ARFGEF3: variants seen among roughly 807,000 people sequenced by gnomAD.
ARFGEF3 encodes brefeldin A-inhibited guanine nucleotide-exchange protein 3.
A neutral mutation model predicts 221.7 loss-of-function variants in ARFGEF3; 96 were observed. That is an observed-to-expected ratio of 0.43 (90% CI 0.37 to 0.51). The LOEUF (loss-of-function observed/expected upper bound fraction) is 0.51. Ranked by LOEUF, ARFGEF3 falls within the 20% of genes least tolerant of loss-of-function variation. ARFGEF3 has a pLI of 0.00. For missense variants in ARFGEF3, 2,410 were observed against 2,789.9 expected, an observed-to-expected ratio of 0.86 and a Z score of 3.07; for synonymous variants, 1,145 against 1,126.8, an observed-to-expected ratio of 1.02 and a Z score of -0.32.
chr6:138,270,427 GACACAC>G (rs3044804), intron 12 of ARFGEF3, among the ~76,000 whole-genome samples: 91 of 139,510 alleles, frequency 6.5e-4, no homozygotes, highest in East Asian at 5.3e-3. Flanking sequence ...ATTTTACGTA[GACACAC>G]ACACACACAC....
intron 2 of ARFGEF3, among the ~76,000 whole-genome samples, chr6:138,174,469 T>TAAAAAAAAAAAAAAA (rs35236693): frequency 4.0e-5 from 1 of 25,302 alleles, no homozygotes; most frequent in African/African-American, 1.4e-4. Context: ...GAGCATCTGC[T>TAAAAAAAAAAAAAAA]AAAAAAAAAA....
chr6:138,206,342 C>CTTTTT (rs1777624365), intron 2 of ARFGEF3, among the ~76,000 whole-genome samples: 1 of 139,078 alleles, frequency 7.2e-6, no homozygotes, highest in Non-Finnish European at 1.5e-5. Context: ...AAATATCTCT[C>CTTTTT]CTTTTTTTTT....
chr6:138,262,750 T>C lies in ARFGEF3; in HGVS notation c.1267T>C (p.Cys423Arg). 2 of 1,611,772 alleles carry C rather than the reference T, an allele frequency of 1.2e-6. No individual in the cohort carries two copies. Among genetic ancestry groups the C allele is most frequent in the Non-Finnish European group, 1.7e-6 (2 of 1,178,010 alleles). Reference protein sequence around the residue: ...EACIKGGIEACYAAVSCVCTL... With the variant: ...EACIKGGIEARYAAVSCVCTL... The stretch of plus-strand genomic sequence containing the variant: ...ATGCATCAAGGGTGGCATCGAAGCT[T>C]GCTATGCAGCCGTGTCCTGTGTCTG... Residue 423 changes from cysteine (C) to arginine (R), a missense_variant, in exon 12 of 34, where the codon TGC (cysteine) becomes CGC (arginine). Around this residue, in one of 5 missense-constraint regions of ARFGEF3, gnomAD observed 570 missense variants for 586.9 expected, o/e 0.97. Transcript: ENST00000251691.
At chr6:138,311,585 G>A (rs933868587) in intron 25 of ARFGEF3, 75 bp downstream of exon 25, 3 of 984,774 alleles carry the variant, frequency 3.0e-6, no homozygotes, top group African/African-American at 1.6e-5. Flanking sequence ...TGCGTGGGGG[G>A]TCTTTTGCTG....
chr6:138,294,232 C>T (rs1779467004), intron 20 of ARFGEF3, 106 bp downstream of exon 20: 1 of 1,192,362 alleles, frequency 8.4e-7, no homozygotes, highest in South Asian at 1.5e-5. Context: ...ATTCCCATTG[C>T]TTACACTCAC....
rs139128711 is a variant in ARFGEF3, at chr6:138,313,813, A to C, written c.4219A>C (p.Lys1407Gln). The change falls in exon 26 of 34, where the codon AAA (lysine) becomes CAA (glutamine). Residue 1407 changes from lysine (K) to glutamine (Q), a missense_variant. Around this residue, in one of 5 missense-constraint regions of ARFGEF3, gnomAD observed 723 missense variants for 991.9 expected, o/e 0.73. Transcript: ENST00000251691. Reference sequence around the variant, plus strand: ...AATTTAGTTATTGGCCAAAATCTACAAAATGCCCTTGAAGCCAATATTCCT... The same window carrying C: ...AATTTAGTTATTGGCCAAAATCTACCAAATGCCCTTGAAGCCAATATTCCT... Reference protein sequence around the residue: ...RCSQLLAKIYKMPLKPIFLSG... With the variant: ...RCSQLLAKIYQMPLKPIFLSG... 6.2e-6 allele frequency: 10 copies of C among 1,613,772 alleles called. No homozygotes were observed. Among genetic ancestry groups the C allele is most frequent in the Admixed American group, 1.7e-5 (1 of 59,984 alleles).
chr6:138,283,819 G>A (rs1410641362), intron 14 of ARFGEF3, among the ~76,000 whole-genome samples: 2 of 152,258 alleles, frequency 1.3e-5, no homozygotes, highest in East Asian at 1.9e-4. Flanking sequence ...TTGACCAGAC[G>A]TCAAATTAAT....
chr6:138,271,465 C>G (rs181605222), intron 12 of ARFGEF3, among the ~76,000 whole-genome samples: 8 of 152,218 alleles, frequency 5.3e-5, no homozygotes, highest in Admixed American at 5.2e-4. Context: ...CATGGCACTT[C>G]CTATATGCCC....
At chr6:138,328,438 G>C (rs77323953) in intron 32 of ARFGEF3, among the ~76,000 whole-genome samples, 2 of 152,030 alleles carry the variant, frequency 1.3e-5, no homozygotes, top group Admixed American at 6.5e-5. Context: ...TTCCTCCGAG[G>C]TCTATCTCCT....
At chr6:138,219,171 TC>T (rs1418833413) in intron 4 of ARFGEF3, among the ~76,000 whole-genome samples, 4 of 152,162 alleles carry the variant, frequency 2.6e-5, no homozygotes, top group African/African-American at 7.2e-5. Context: ...GGGCAGAACA[TC>T]CTTTTAAGGA....
chr6:138,193,578 A>G (rs745983768), intron 2 of ARFGEF3, among the ~76,000 whole-genome samples: 1 of 152,206 alleles, frequency 6.6e-6, no homozygotes, highest in Non-Finnish European at 1.5e-5. Flanking sequence ...ACTCTTATGT[A>G]CTTCTCACAA....
chr6:138,170,989 G>C (rs1034195967), intron 2 of ARFGEF3, among the ~76,000 whole-genome samples: 1 of 151,934 alleles, frequency 6.6e-6, no homozygotes, highest in African/African-American at 2.4e-5. Context: ...AGAGAGAAGG[G>C]GACTGAATGC....
chr6:138,195,170 T>G (rs1777390742), intron 2 of ARFGEF3, among the ~76,000 whole-genome samples: 1 of 150,908 alleles, frequency 6.6e-6, no homozygotes, highest in African/African-American at 2.4e-5. Flanking sequence ...ATGCAGCCAA[T>G]TTTTGTATTT....
chr6:138,185,132 A>G (rs1357707834), intron 2 of ARFGEF3, among the ~76,000 whole-genome samples: 1 of 152,182 alleles, frequency 6.6e-6, no homozygotes, highest in Non-Finnish European at 1.5e-5. Context: ...GCATCAGAAT[A>G]TGAGAGGGGT....
chr6:138,175,290 C>T (rs147487920), intron 2 of ARFGEF3, among the ~76,000 whole-genome samples: 2 of 152,152 alleles, frequency 1.3e-5, no homozygotes, highest in Non-Finnish European at 2.9e-5. Context: ...CACCTTCCTG[C>T]CCTTAGTCTT....
chr6:138,194,207 G>A (rs1178392499), intron 2 of ARFGEF3, among the ~76,000 whole-genome samples: 1 of 151,434 alleles, frequency 6.6e-6, no homozygotes, highest in Non-Finnish European at 1.5e-5. Context: ...GGCAGAGGTT[G>A]CGGTGAGCCA....
chr6:138,259,687 G>A (rs910002786), intron 10 of ARFGEF3, among the ~76,000 whole-genome samples: 4 of 152,136 alleles, frequency 2.6e-5, no homozygotes, highest in African/African-American at 7.2e-5. Context: ...CAAGTTGGGC[G>A]GATCATCTGA....
chr6:138,324,813 A>G (rs1780099995), intron 31 of ARFGEF3, among the ~76,000 whole-genome samples: 1 of 152,254 alleles, frequency 6.6e-6, no homozygotes, highest in Non-Finnish European at 1.5e-5. Flanking sequence ...CAGAAATATC[A>G]GAAGAATATA....
chr6:138,259,555 T>C (rs1778748859), intron 10 of ARFGEF3, among the ~76,000 whole-genome samples: 2 of 152,220 alleles, frequency 1.3e-5, no homozygotes, highest in Non-Finnish European at 2.9e-5. Context: ...TCTTTCGTTT[T>C]AGTTTTTGTT....
Sources: gnomAD v4.1 joint callset for allele counts (sites outside exome capture counted in the v4.1 genomes callset) on GRCh38, gnomAD v4.1.1 for gene constraint, gnomAD v4.1.1 regional missense constraint, MANE v1.5 for transcripts, NCBI Gene and HGNC (gene_info 2026-07-23, HGNC 2026-07-21) for gene names.